NCAM2: variants seen among roughly 807,000 people sequenced by gnomAD.
NCAM2 encodes the protein neural cell adhesion molecule 2.
NCAM2 carries 30 observed loss-of-function variants against 98.1 expected under a neutral mutation model. The observed-to-expected ratio is 0.31, with a 90% CI of 0.23 to 0.41. NCAM2 has a LOEUF of 0.41. NCAM2 is among the 10% of genes least tolerant of loss of function. NCAM2 has a pLI of 1.00. For synonymous variants in NCAM2, 368 were observed against 342.4 expected (o/e 1.07, Z -0.83); for missense variants, 867 against 1,005.8 (o/e 0.86, Z 1.87).
chr21:21,295,577 AG>A (rs970895001), intron 5 of NCAM2, among the ~76,000 whole-genome samples: 1 of 151,830 alleles, frequency 6.6e-6, no homozygotes, highest in African/African-American at 2.4e-5. Flanking sequence ...TCAAACTTCA[AG>A]AAAACATCAC....
chr21:21,453,029 T>G (rs1255752870), intron 12 of NCAM2, among the ~76,000 whole-genome samples: 2 of 108,778 alleles, frequency 1.8e-5, no homozygotes, highest in Non-Finnish European at 3.5e-5. Flanking sequence ...ATATAATATA[T>G]AAAAATAATA....
chr21:21,424,285 A>G (rs1720271751), intron 11 of NCAM2, among the ~76,000 whole-genome samples: 2 of 152,194 alleles, frequency 1.3e-5, no homozygotes, highest in Admixed American at 6.5e-5. Flanking sequence ...ATCACTTTTT[A>G]ATTCATTCAC....
At chr21:21,194,269 T>C (rs2068928310) in intron 1 of NCAM2, among the ~76,000 whole-genome samples, 1 of 152,198 alleles carries the variant, frequency 6.6e-6, no homozygotes, top group Admixed American at 6.5e-5. Flanking sequence ...TGCCATGTGG[T>C]TATTCATTTC....
intron 6 of NCAM2, among the ~76,000 whole-genome samples, chr21:21,324,784 C>T (rs968500373): frequency 1.3e-5 from 2 of 152,046 alleles, no homozygotes; most frequent in African/African-American, 4.8e-5. Flanking sequence ...GCACCTGTGA[C>T]TTATTCAAAC....
intron 1 of NCAM2, among the ~76,000 whole-genome samples, chr21:21,233,470 T>G (rs550796347): frequency 2.0e-5 from 3 of 151,798 alleles, no homozygotes; most frequent in Admixed American, 1.3e-4. Flanking sequence ...ATTTTTAATT[T>G]GACATGCCAT....
At chr21:21,273,099 A>G (rs2072590326) in intron 1 of NCAM2, among the ~76,000 whole-genome samples, 1 of 152,208 alleles carries the variant, frequency 6.6e-6, no homozygotes, top group Non-Finnish European at 1.5e-5. Context: ...AGAAGGACCA[A>G]ACAAATGGCT....
In NCAM2 at chr21:21,538,654, ATC is replaced by A. The variant is rs1187048280; in HGVS notation, c.*701_*702del. 1 of 152,142 alleles carries A rather than the reference ATC, an allele frequency of 6.6e-6. No homozygotes were observed. The highest frequency in any genetic ancestry group is 1.5e-5 in the Non-Finnish European group (1 of 67,996). The allele number at this position is 152,142 out of a possible 1,614,324, so 9.4% of individuals were successfully genotyped here. A position where few individuals can be genotyped will look rare whatever the true frequency, so the allele number is the denominator to read the frequency against. On this transcript the variant is annotated 3_prime_UTR_variant, in exon 18 of 18. Transcript: ENST00000400546. ...GATTAGAAAGACTTTCTAAATCTCT[ATC>A]TCTTTATATATGTCCTATTCATTCA...
At chr21:21,533,407 C>A in intron 16 of NCAM2, among the ~76,000 whole-genome samples, 1 of 151,600 alleles carries the variant, frequency 6.6e-6, no homozygotes, top group Non-Finnish European at 1.5e-5. Flanking sequence ...GCCTCAGTTG[C>A]CTTAGTAAAT....
At chr21:21,129,650 G>A (rs1371280154) in intron 1 of NCAM2, among the ~76,000 whole-genome samples, 1 of 152,070 alleles carries the variant, frequency 6.6e-6, no homozygotes, top group East Asian at 1.9e-4. Flanking sequence ...TTTTCTTCAC[G>A]TAGTTGGTGC....
At chr21:21,173,583 A>G (rs938731794) in intron 1 of NCAM2, among the ~76,000 whole-genome samples, 2 of 152,192 alleles carry the variant, frequency 1.3e-5, no homozygotes, top group Non-Finnish European at 2.9e-5. Context: ...AGTTGTTTCC[A>G]TAGATTTCCT....
intron 1 of NCAM2, among the ~76,000 whole-genome samples, chr21:21,031,357 A>G (rs982019242): frequency 2.6e-5 from 4 of 152,194 alleles, no homozygotes; most frequent in African/African-American, 4.8e-5. Flanking sequence ...AGCCTTAGCA[A>G]ATTCCTCAGA....
At chr21:21,369,088 T>C (rs1285562938) in intron 8 of NCAM2, among the ~76,000 whole-genome samples, 1 of 151,686 alleles carries the variant, frequency 6.6e-6, no homozygotes, top group Non-Finnish European at 1.5e-5. Context: ...ATCACTTCTT[T>C]TGGTCATCAC....
intron 1 of NCAM2, among the ~76,000 whole-genome samples, chr21:21,075,431 T>C (rs1316186393): frequency 6.6e-6 from 1 of 152,216 alleles, no homozygotes; most frequent in Non-Finnish European, 1.5e-5. Flanking sequence ...ATGCTGTGCA[T>C]GATAAAGATA....
At chr21:21,397,807 T>A (rs2076544968) in intron 9 of NCAM2, among the ~76,000 whole-genome samples, 1 of 152,210 alleles carries the variant, frequency 6.6e-6, no homozygotes, top group Non-Finnish European at 1.5e-5. Flanking sequence ...CCTCCCCAAC[T>A]GCAGCTGGCA....
intron 1 of NCAM2, among the ~76,000 whole-genome samples, chr21:21,192,298 G>T (rs564483284): frequency 6.6e-6 from 1 of 151,990 alleles, no homozygotes; most frequent in African/African-American, 2.4e-5. Context: ...GAGTGAGAAA[G>T]AAAAGCAATT....
At chr21:21,421,869 AT>A (rs1202110430) in intron 11 of NCAM2, among the ~76,000 whole-genome samples, 4 of 152,188 alleles carry the variant, frequency 2.6e-5, no homozygotes, top group African/African-American at 9.7e-5. Flanking sequence ...TTCAGTGGTA[AT>A]ATAGGAAACA....
intron 5 of NCAM2, among the ~76,000 whole-genome samples, chr21:21,304,908 G>A (rs2073833647): frequency 6.6e-6 from 1 of 152,000 alleles, no homozygotes; most frequent in African/African-American, 2.4e-5. Context: ...CATTTTAATT[G>A]TTAATTGTAG....
chr21:21,367,451 G>A (rs2075815742), intron 8 of NCAM2, among the ~76,000 whole-genome samples: 1 of 151,888 alleles, frequency 6.6e-6, no homozygotes, highest in Non-Finnish European at 1.5e-5. Context: ...AATATATTAT[G>A]TATTGGCCAT....
intron 6 of NCAM2, among the ~76,000 whole-genome samples, chr21:21,326,984 C>A (rs1568937079): frequency 6.6e-6 from 1 of 152,116 alleles, no homozygotes; most frequent in African/African-American, 2.4e-5. Context: ...GATAATATTT[C>A]CAAGCGAGAT....
Sources: gnomAD v4.1 joint callset for allele counts (sites outside exome capture counted in the v4.1 genomes callset) on GRCh38, gnomAD v4.1.1 for gene constraint, MANE v1.5 for transcripts, NCBI Gene and HGNC (gene_info 2026-07-23, HGNC 2026-07-21) for gene names.